The following XKR4 variants were observed in gnomAD, a reference collection of about 807,000 sequenced individuals.
XKR4 encodes the protein XK-related protein 4.
XKR4 carries 12 observed loss-of-function variants against 53.9 expected under a neutral mutation model. The observed-to-expected ratio is 0.22, with a 90% confidence interval of 0.14 to 0.36. The LOEUF is 0.36. XKR4 is among the 10% of genes least tolerant of loss of function. The pLI is 1.00. For synonymous variants in XKR4, 354 were observed against 362.4 expected, an observed-to-expected ratio of 0.98 and a Z score of 0.26; for missense variants, 799 against 859.5, an observed-to-expected ratio of 0.93 and a Z score of 0.88.
chr8:55,418,487 T>C (rs1202428266), intron 2 of XKR4, among the ~76,000 whole-genome samples: 1 of 152,202 alleles, frequency 6.6e-6, no homozygotes, highest in Admixed American at 6.5e-5. Flanking sequence ...GAATTCAGCA[T>C]GCGTCTCACC....
chr8:55,223,323 A>AT (rs1817908446), intron 1 of XKR4, among the ~76,000 whole-genome samples: 1 of 152,162 alleles, frequency 6.6e-6, no homozygotes, highest in Non-Finnish European at 1.5e-5. Context: ...CTGGTTTTGT[A>AT]TTAGAATTAT....
At chr8:55,470,194 G>A (rs913186478) in intron 2 of XKR4, among the ~76,000 whole-genome samples, 10 of 152,102 alleles carry the variant, frequency 6.6e-5, no homozygotes, top group South Asian at 4.1e-4. Context: ...AGAAGCATGC[G>A]TCAGATAATA....
intron 1 of XKR4, among the ~76,000 whole-genome samples, chr8:55,333,340 A>C (rs965589783): frequency 6.6e-6 from 1 of 152,078 alleles, no homozygotes; most frequent in Non-Finnish European, 1.5e-5. Context: ...ACAAATAGCC[A>C]CCCCTCTATC....
intron 2 of XKR4, among the ~76,000 whole-genome samples, chr8:55,399,418 TG>T (rs1804567468): frequency 6.6e-6 from 1 of 152,264 alleles, no homozygotes; most frequent in African/African-American, 2.4e-5. Context: ...AACTTCTTCC[TG>T]ATGATAGCTC....
At chr8:55,117,081 AT>A (rs1168931900) in intron 1 of XKR4, among the ~76,000 whole-genome samples, 2 of 152,234 alleles carry the variant, frequency 1.3e-5, no homozygotes, top group African/African-American at 4.8e-5. Context: ...TAAATAAAAA[AT>A]ATATGATAAA....
chr8:55,182,246 G>C (rs777380371), intron 1 of XKR4, among the ~76,000 whole-genome samples: 1 of 151,730 alleles, frequency 6.6e-6, no homozygotes, highest in Non-Finnish European at 1.5e-5. Flanking sequence ...CTTTCACAGA[G>C]GAAAAGTTTT....
At chr8:55,464,998 A>G (rs1377638794) in intron 2 of XKR4, among the ~76,000 whole-genome samples, 1 of 152,134 alleles carries the variant, frequency 6.6e-6, no homozygotes, top group African/African-American at 2.4e-5. Context: ...GATACAAACA[A>G]ATGGAAGAAC....
At chr8:55,309,811 G>A (rs1456070168) in intron 1 of XKR4, among the ~76,000 whole-genome samples, 8 of 152,142 alleles carry the variant, frequency 5.3e-5, no homozygotes, top group East Asian at 1.9e-4. Flanking sequence ...TTATAGCCAC[G>A]ACTATGGATT....
intron 1 of XKR4, among the ~76,000 whole-genome samples, chr8:55,326,756 C>A (rs1803300912): frequency 6.6e-6 from 1 of 151,938 alleles, no homozygotes; most frequent in Non-Finnish European, 1.5e-5. Context: ...CAGGTGTGAG[C>A]CACCACATCC....
chr8:55,382,714 T>A (rs1804253371), intron 2 of XKR4, among the ~76,000 whole-genome samples: 1 of 152,252 alleles, frequency 6.6e-6, no homozygotes, highest in South Asian at 2.1e-4. Flanking sequence ...TTTATCAGCT[T>A]ATATTCTGGA....
chr8:55,202,887 G>A (rs769610660), intron 1 of XKR4, among the ~76,000 whole-genome samples: 1 of 150,862 alleles, frequency 6.6e-6, no homozygotes, highest in Non-Finnish European at 1.5e-5. Flanking sequence ...TGCAAAGTCT[G>A]CAGAGCAGCC....
chr8:55,421,499 G>A (rs1233745903), intron 2 of XKR4, among the ~76,000 whole-genome samples: 3 of 152,198 alleles, frequency 2.0e-5, no homozygotes, highest in African/African-American at 7.2e-5. Context: ...ACACTAAGAG[G>A]AGACATCCAG....
intron 2 of XKR4, among the ~76,000 whole-genome samples, chr8:55,481,051 T>G (rs1284128217): frequency 6.6e-6 from 1 of 152,134 alleles, no homozygotes; most frequent in Non-Finnish European, 1.5e-5. Flanking sequence ...AAAACTACTT[T>G]CAAGTTCATA....
In XKR4 at chr8:55,103,200, C is replaced by T. The variant is rs895192707; in HGVS notation, c.712C>T (p.Arg238Trp). 3 of 1,614,082 alleles carry T rather than the reference C, an allele frequency of 1.9e-6. No individual in the cohort carries two copies. The highest frequency in any genetic ancestry group is 2.5e-6 in the Non-Finnish European group (3 of 1,180,036). The change falls in exon 1 of 3, where the codon CGG (arginine) becomes TGG (tryptophan). Residue 238 changes from arginine to tryptophan, a missense_variant. This residue lies in a region of XKR4 where 476 missense variants were observed against 505.4 expected (regional missense o/e 0.94). Coordinates refer to ENST00000327381, the MANE Select transcript of XKR4 (RefSeq NM_052898.2). ...CGGCAGCAACAGCAGCGGGGCTACC[C>T]GGGCCAGTGGCAAGCACAGGTCTGC... ...NSGSNSSGAT[R>W]ASGKHRSASC...
chr8:55,422,403 G>A (rs940482617), intron 2 of XKR4, among the ~76,000 whole-genome samples: 1 of 152,234 alleles, frequency 6.6e-6, no homozygotes, highest in South Asian at 2.1e-4. Context: ...AGGAAGGAGA[G>A]AATGCAATAA....
intron 1 of XKR4, among the ~76,000 whole-genome samples, chr8:55,320,490 A>G (rs1803189427): frequency 6.6e-6 from 1 of 152,188 alleles, no homozygotes; most frequent in Non-Finnish European, 1.5e-5. Context: ...AAAGGGTAGA[A>G]GGGGGAGAAA....
At chr8:55,400,668 G>A (rs737392) in intron 2 of XKR4, among the ~76,000 whole-genome samples, 7,168 of 152,118 alleles carry the variant, frequency 0.047, 247 homozygotes, top group Middle Eastern at 0.099. Context: ...AACCCAAAAG[G>A]TCTCCATTCC....
chr8:55,115,009 T>C (rs1482688754), intron 1 of XKR4, among the ~76,000 whole-genome samples: 1 of 152,204 alleles, frequency 6.6e-6, no homozygotes, highest in African/African-American at 2.4e-5. Flanking sequence ...AGGACAGAGC[T>C]GTGGGCTTGT....
chr8:55,336,883 G>A (rs185313422), intron 1 of XKR4, among the ~76,000 whole-genome samples: 9 of 152,192 alleles, frequency 5.9e-5, no homozygotes, highest in East Asian at 3.9e-4. Context: ...TGCATCAGGC[G>A]CACACGAACC....
Sources: gnomAD v4.1 joint callset for allele counts (sites outside exome capture counted in the v4.1 genomes callset) on GRCh38, gnomAD v4.1.1 for gene constraint, gnomAD v4.1.1 regional missense constraint, MANE v1.5 for transcripts, NCBI Gene and HGNC (gene_info 2026-07-23, HGNC 2026-07-21) for gene names.